Variants in FGGY observed in about 807,000 individuals in gnomAD.
FGGY encodes FGGY carbohydrate kinase domain-containing protein.
In FGGY, 72 loss-of-function variants were observed where a neutral mutation model predicts 71.3. That is an observed-to-expected ratio of 1.01 (90% CI 0.84 to 1.23). The LOEUF is 1.23. Among genes scored for constraint, FGGY ranks in the 50% most tolerant of loss-of-function variants. FGGY has a pLI of 0.00. For synonymous variants in FGGY, 251 were observed against 250.3 expected (o/e 1.00, Z -0.02); for missense variants, 668 against 682.3 (o/e 0.98, Z 0.23).
rs142992852 is a variant in FGGY, at chr1:59,594,772, A to C, written c.904-13031A>C. ...CACACTATGCACAGAGGGTATCAACACAAAGAGGGTTCTGTGGGAATTCAC... is the reference window on the plus strand; with the variant it reads ...CACACTATGCACAGAGGGTATCAACCCAAAGAGGGTTCTGTGGGAATTCAC... On this transcript the variant is annotated intron_variant, in intron 8 of 15. Coordinates refer to ENST00000303721, the MANE Select transcript of FGGY (RefSeq NM_018291.5). Among the ~76,000 whole-genome samples the C allele has an allele frequency of 2.2e-3, 330 of 152,306 alleles. 1 individual carries two copies. The highest frequency in any genetic ancestry group is 7.7e-3 in the African/African-American group (318 of 41,548).
intron 6 of FGGY, among the ~76,000 whole-genome samples, chr1:59,502,383 G>A (rs932468652): frequency 6.6e-6 from 1 of 152,210 alleles, no homozygotes; most frequent in African/African-American, 2.4e-5. Context: ...GATTAATTAT[G>A]ATCTACCCAG....
intron 1 of FGGY, among the ~76,000 whole-genome samples, chr1:59,302,849 A>C (rs543705262): frequency 2.4e-4 from 36 of 152,046 alleles, no homozygotes; most frequent in Non-Finnish European, 4.4e-4. Flanking sequence ...TCCAAAAAAA[A>C]CCCCAAAAAA....
At chr1:59,675,191 A>G (rs2097423954) in intron 14 of FGGY, among the ~76,000 whole-genome samples, 1 of 152,190 alleles carries the variant, frequency 6.6e-6, no homozygotes, top group South Asian at 2.1e-4. Flanking sequence ...TCAGCAAAGC[A>G]GCAGAGTCCA....
At chr1:59,537,572 C>T (rs1411476036) in intron 7 of FGGY, among the ~76,000 whole-genome samples, 4 of 152,172 alleles carry the variant, frequency 2.6e-5, no homozygotes, top group African/African-American at 9.7e-5. Context: ...AAGCTGGAGG[C>T]ATCACGCTAC....
At chr1:59,744,468 G>A (rs1017981214) in intron 14 of FGGY, among the ~76,000 whole-genome samples, 11 of 152,136 alleles carry the variant, frequency 7.2e-5, no homozygotes, top group Admixed American at 2.0e-4. Context: ...TGATCCACCC[G>A]CCTCAGCCTT....
chr1:59,647,200 C>T (rs2097103201), intron 11 of FGGY, among the ~76,000 whole-genome samples: 1 of 152,146 alleles, frequency 6.6e-6, no homozygotes. Context: ...TCTTGGTGTG[C>T]AGACCCAAGA....
chr1:59,685,820 T>C (rs892285880), intron 14 of FGGY, among the ~76,000 whole-genome samples: 2 of 152,172 alleles, frequency 1.3e-5, no homozygotes, highest in Non-Finnish European at 1.5e-5. Context: ...AGTGACATAA[T>C]CATGGCTCAC....
intron 6 of FGGY, among the ~76,000 whole-genome samples, chr1:59,474,675 A>T (rs559718949): frequency 7.8e-4 from 119 of 152,376 alleles, no homozygotes; most frequent in African/African-American, 2.8e-3. Flanking sequence ...AAATGTAGGA[A>T]CTGGACTTTG....
At chr1:59,687,941 T>C (rs1241032687) in intron 14 of FGGY, among the ~76,000 whole-genome samples, 1 of 152,148 alleles carries the variant, frequency 6.6e-6, no homozygotes, top group Non-Finnish European at 1.5e-5. Context: ...TCTCCTCCTC[T>C]CCCTGTTGGA....
At chr1:59,620,017 G>C (rs997893828) in intron 9 of FGGY, among the ~76,000 whole-genome samples, 4 of 151,992 alleles carry the variant, frequency 2.6e-5, no homozygotes, top group African/African-American at 9.7e-5. Context: ...AGAAAAGAGA[G>C]AGGCCAAGGC....
At chr1:59,335,961 T>C (rs145604190) in intron 2 of FGGY, among the ~76,000 whole-genome samples, 17 of 152,264 alleles carry the variant, frequency 1.1e-4, no homozygotes, top group African/African-American at 4.1e-4. Context: ...TGTCTTTTCG[T>C]TTTCTAATTG....
intron 15 of FGGY, among the ~76,000 whole-genome samples, chr1:59,759,734 C>G (rs79915973): frequency 6.6e-6 from 1 of 152,188 alleles, no homozygotes; most frequent in African/African-American, 2.4e-5. Flanking sequence ...ACACTGTTAA[C>G]GATGTGGGAC....
intron 9 of FGGY, among the ~76,000 whole-genome samples, chr1:59,624,336 A>G (rs1364410598): frequency 6.6e-6 from 1 of 152,144 alleles, no homozygotes; most frequent in Non-Finnish European, 1.5e-5. Flanking sequence ...AAGATATTCA[A>G]TCTCTTTGAG....
intron 7 of FGGY, among the ~76,000 whole-genome samples, chr1:59,550,313 T>A (rs2153700281): frequency 6.6e-6 from 1 of 152,208 alleles, no homozygotes; most frequent in East Asian, 1.9e-4. Flanking sequence ...TCCTCCCACC[T>A]TTTCTTGCTT....
chr1:59,368,857 C>T (rs563650805), intron 4 of FGGY, among the ~76,000 whole-genome samples: 102 of 151,650 alleles, frequency 6.7e-4, no homozygotes, highest in African/African-American at 2.1e-3. Flanking sequence ...TTTGGGAGGC[C>T]GAAGTGGGTG....
chr1:59,571,514 G>A (rs1395578151), intron 8 of FGGY, among the ~76,000 whole-genome samples: 1 of 152,184 alleles, frequency 6.6e-6, no homozygotes, highest in East Asian at 1.9e-4. Context: ...CAGTCACTTT[G>A]GAAAACAGTG....
intron 8 of FGGY, among the ~76,000 whole-genome samples, chr1:59,599,173 G>A (rs947730812): frequency 2.0e-5 from 3 of 152,028 alleles, no homozygotes; most frequent in Admixed American, 1.3e-4. Flanking sequence ...GCACGATCTT[G>A]GCTTACTGTA....
chr1:59,360,395 G>C (rs953565943), intron 4 of FGGY, among the ~76,000 whole-genome samples: 6 of 152,162 alleles, frequency 3.9e-5, no homozygotes, highest in African/African-American at 1.4e-4. Context: ...ACCTGAGAAA[G>C]AGAGTGAATC....
intron 10 of FGGY, among the ~76,000 whole-genome samples, chr1:59,630,087 G>A (rs1341542295): frequency 6.6e-6 from 1 of 151,954 alleles, no homozygotes; most frequent in Non-Finnish European, 1.5e-5. Context: ...TTCACATGGT[G>A]GCAAGAGAGA....
Sources: gnomAD v4.1 joint callset for allele counts (sites outside exome capture counted in the v4.1 genomes callset) on GRCh38, gnomAD v4.1.1 for gene constraint, MANE v1.5 for transcripts, NCBI Gene and HGNC (gene_info 2026-07-23, HGNC 2026-07-21) for gene names.